Variants in RFX3 observed in about 807,000 individuals in gnomAD.
RFX3 encodes regulatory factor X3.
RFX3 carries 14 observed loss-of-function variants against 98.6 expected under a neutral mutation model. The ratio of observed to expected loss-of-function variants is 0.14; its 90% CI spans 0.09 to 0.22. The LOEUF is 0.22. Among genes scored for constraint, RFX3 ranks in the 10% least tolerant of loss-of-function variants. The pLI, the probability that RFX3 is intolerant of heterozygous loss-of-function variation, is 1.00. For missense variants in RFX3, 639 were observed against 926.9 expected, an observed-to-expected ratio of 0.69 and a Z score of 4.03; for synonymous variants, 383 against 328.4, an observed-to-expected ratio of 1.17 and a Z score of -1.80.
At chr9:3,428,418 C>T (rs1173676386) in intron 1 of RFX3, among the ~76,000 whole-genome samples, 1 of 152,164 alleles carries the variant, frequency 6.6e-6, no homozygotes, top group Non-Finnish European at 1.5e-5. Flanking sequence ...CACAATATCA[C>T]AAGTTTTGTA....
intron 1 of RFX3, among the ~76,000 whole-genome samples, chr9:3,425,844 T>A (rs1298090418): frequency 2.0e-5 from 3 of 152,212 alleles, no homozygotes; most frequent in Non-Finnish European, 4.4e-5. Flanking sequence ...TTAATTTTCT[T>A]CTAAGTTAAT....
intron 2 of RFX3, among the ~76,000 whole-genome samples, chr9:3,387,957 A>T (rs1285839948): frequency 6.6e-6 from 1 of 152,148 alleles, no homozygotes; most frequent in Non-Finnish European, 1.5e-5. Context: ...TCCCCAAACT[A>T]ACAAATTCAT....
In RFX3 at chr9:3,233,845, C is replaced by T. The variant is rs538293768; in HGVS notation, c.1969-4956G>A. Among the ~76,000 whole-genome samples, 285 of 152,152 alleles carry T rather than the reference C, an allele frequency of 1.9e-3. 3 individuals carry two copies. Among genetic ancestry groups the T allele is most frequent in the African/African-American group, 6.5e-3 (272 of 41,532 alleles). ...ATAGTGCCTGGCACATAAGGAAGCA[C>T]TTAACAAATGATCACCATTATCAAT... On this transcript the variant is annotated intron_variant, in intron 15 of 16. Transcript: ENST00000617270.
chr9:3,361,344 A>C (rs532923068), intron 2 of RFX3, among the ~76,000 whole-genome samples: 4 of 152,290 alleles, frequency 2.6e-5, no homozygotes, highest in African/African-American at 7.2e-5. Context: ...AGGGAAATGA[A>C]GCAATTGAGG....
rs1228391861 is a variant in RFX3, at chr9:3,395,522, G to C, written c.67C>G (p.Gln23Glu). ...TVTLQTSVAS[Q>E]AAVPTQVVQQ... Reference sequence around the variant, plus strand: ...ACCACCTGCGTAGGCACTGCTGCTTGACTAGCCACAGATGTTTGTAAGGTC... The same window carrying C: ...ACCACCTGCGTAGGCACTGCTGCTTCACTAGCCACAGATGTTTGTAAGGTC... Residue 23 changes from glutamine (Q) to glutamate (E), a missense_variant, in exon 2 of 17, where the codon CAA becomes GAA. Gln to Glu is a conservative substitution (Grantham distance 29). Around this residue, in one of 9 missense-constraint regions of RFX3, gnomAD observed 210 missense variants for 197.7 expected, o/e 1.06. Transcript: ENST00000617270. 2 of 1,614,068 alleles carry C rather than the reference G, an allele frequency of 1.2e-6. No individual in the cohort carries two copies. The highest frequency in any genetic ancestry group is 1.7e-6 in the Non-Finnish European group (2 of 1,179,992).
At chr9:3,469,383 G>A (rs536721410) in intron 1 of RFX3, among the ~76,000 whole-genome samples, 2 of 152,028 alleles carry the variant, frequency 1.3e-5, no homozygotes, top group East Asian at 1.9e-4. Context: ...CAAATTTAAG[G>A]ATCAACTTGG....
intron 1 of RFX3, among the ~76,000 whole-genome samples, chr9:3,444,923 T>C (rs1463156080): frequency 2.6e-5 from 4 of 152,190 alleles, no homozygotes; most frequent in Non-Finnish European, 4.4e-5. Context: ...CTTTGTTAGG[T>C]GAGGGTCTAG....
intron 2 of RFX3, among the ~76,000 whole-genome samples, chr9:3,375,776 C>T (rs1404471746): frequency 5.3e-5 from 8 of 151,900 alleles, no homozygotes; most frequent in Admixed American, 1.3e-4. Context: ...CTGGCTAACA[C>T]GGTGAAACCC....
intron 5 of RFX3, among the ~76,000 whole-genome samples, chr9:3,300,495 T>TA (rs919101784): frequency 2.9e-4 from 44 of 151,534 alleles, no homozygotes; most frequent in African/African-American, 8.5e-4. Context: ...ATCAAATACT[T>TA]AAAAAAAACA....
intron 11 of RFX3, among the ~76,000 whole-genome samples, chr9:3,266,681 T>C (rs1402744408): frequency 6.6e-6 from 1 of 152,070 alleles, no homozygotes; most frequent in Non-Finnish European, 1.5e-5. Flanking sequence ...TCTTTAAAAT[T>C]CTTCATCTTG....
intron 1 of RFX3, among the ~76,000 whole-genome samples, chr9:3,431,567 G>C (rs1387427312): frequency 6.6e-6 from 1 of 152,110 alleles, no homozygotes; most frequent in Non-Finnish European, 1.5e-5. Flanking sequence ...TGAAAATGCA[G>C]CTTTTATATG....
intron 1 of RFX3, among the ~76,000 whole-genome samples, chr9:3,501,551 CTTCT>C (rs1456089713): frequency 2.1e-5 from 3 of 144,296 alleles, no homozygotes; most frequent in East Asian, 2.0e-4. Context: ...TATTTTTTTC[CTTCT>C]TTTTTTTTTT....
chr9:3,228,943 T>C, intron 15 of RFX3, 54 bp from the exon 16 acceptor site: 1 of 1,482,556 alleles, frequency 6.7e-7, no homozygotes, highest in Non-Finnish European at 9.3e-7. Context: ...AATAAAATAA[T>C]ACTCTATCAG....
chr9:3,439,804 C>T (rs1184450652), intron 1 of RFX3, among the ~76,000 whole-genome samples: 1 of 151,880 alleles, frequency 6.6e-6, no homozygotes, highest in Admixed American at 6.6e-5. Flanking sequence ...CTTTAATACA[C>T]ATGGAGATAT....
At chr9:3,501,685 T>C (rs1024829938) in intron 1 of RFX3, among the ~76,000 whole-genome samples, 1 of 150,492 alleles carries the variant, frequency 6.6e-6, no homozygotes, top group Non-Finnish European at 1.5e-5. Flanking sequence ...GCCTCCAGAG[T>C]AGCTGGGATT....
At chr9:3,228,924 A>G (rs747075727) in intron 15 of RFX3, 35 bp from the exon 16 acceptor site, 3 of 1,568,526 alleles carry the variant, frequency 1.9e-6, no homozygotes, top group Admixed American at 1.8e-5. Flanking sequence ...AATAGTTAAT[A>G]TAGGGCAGAA....
intron 1 of RFX3, among the ~76,000 whole-genome samples, chr9:3,433,245 C>T (rs1253895275): frequency 1.3e-5 from 2 of 152,026 alleles, no homozygotes; most frequent in African/African-American, 4.8e-5. Context: ...TGCCTGCCTC[C>T]CCTTCTACCT....
chr9:3,280,734 T>C (rs1249332153), intron 7 of RFX3, among the ~76,000 whole-genome samples: 6 of 151,748 alleles, frequency 4.0e-5, no homozygotes, highest in African/African-American at 1.4e-4. Context: ...AGGCTCACCC[T>C]AGATCCACTC....
At position 3,282,442 on chromosome 9, in the gene RFX3, G is replaced by T. The variant is rs142225042; in HGVS notation, c.852-4981C>A. 6.1e-3 allele frequency among the ~76,000 whole-genome samples: 927 copies of T among 151,868 alleles called. 3 individuals carry two copies. The highest frequency in any genetic ancestry group is 9.9e-3 in the Non-Finnish European group (669 of 67,806). ...AAGAAGAGGTGGAAAAAATTAAATT[G>T]AAATGGGCTATATGTTAACTGCAGC... On this transcript the variant is annotated intron_variant, in intron 7 of 16. Coordinates refer to ENST00000617270, the MANE Select transcript of RFX3 (RefSeq NM_001282116.2).
Sources: allele counts gnomAD v4.1 joint callset (sites outside exome capture counted in the v4.1 genomes callset), GRCh38; gene constraint gnomAD v4.1.1; regional missense constraint gnomAD v4.1.1; transcripts MANE v1.5; gene names NCBI Gene and HGNC (gene_info 2026-07-23, HGNC 2026-07-21).